The following ARHGEF17 variants were observed in gnomAD, a reference collection of about 807,000 sequenced individuals.
ARHGEF17 encodes 164 kDa Rho-specific guanine-nucleotide exchange factor.
In ARHGEF17, 80 loss-of-function variants were observed where a neutral mutation model predicts 174.0. That is an observed-to-expected ratio of 0.46 (90% CI 0.38 to 0.55). The LOEUF is 0.55. Ranked by LOEUF, ARHGEF17 falls within the 20% of genes least tolerant of loss-of-function variation. ARHGEF17 has a pLI of 0.00. For missense variants in ARHGEF17, 2,886 were observed against 2,839.7 expected (o/e 1.02, Z -0.37); for synonymous variants, 1,311 against 1,189.1 (o/e 1.10, Z -2.11).
chr11:73,339,549 G>A (rs1183646039), intron 1 of ARHGEF17, among the ~76,000 whole-genome samples: 1 of 152,206 alleles, frequency 6.6e-6, no homozygotes, highest in Non-Finnish European at 1.5e-5. Context: ...AGGACCAGGT[G>A]GCCCCCAGGT....
At chr11:73,329,627 T>G (rs1865172207) in intron 1 of ARHGEF17, among the ~76,000 whole-genome samples, 1 of 151,864 alleles carries the variant, frequency 6.6e-6, no homozygotes, top group African/African-American at 2.4e-5. Context: ...CTTGAACTCC[T>G]GACTTCAGGC....
chr11:73,363,544 G>A, intron 15 of ARHGEF17, 89 bp downstream of exon 15: 1 of 1,537,962 alleles, frequency 6.5e-7, no homozygotes, highest in Non-Finnish European at 8.8e-7. Flanking sequence ...GCCAAGGCAG[G>A]AGGGCTTTGG....
At chr11:73,314,964 C>T (rs530345445) in intron 1 of ARHGEF17, among the ~76,000 whole-genome samples, 2 of 152,334 alleles carry the variant, frequency 1.3e-5, no homozygotes, top group South Asian at 2.1e-4. Flanking sequence ...GATGAACTCA[C>T]GAAATTTTAA....
At chr11:73,328,426 G>A (rs769833349) in intron 1 of ARHGEF17, among the ~76,000 whole-genome samples, 3 of 152,188 alleles carry the variant, frequency 2.0e-5, no homozygotes, top group African/African-American at 7.2e-5. Flanking sequence ...GAGGGGCAGG[G>A]TTGCCAGAGT....
chr11:73,346,126 G>A (rs941916721), intron 1 of ARHGEF17, among the ~76,000 whole-genome samples: 3 of 152,116 alleles, frequency 2.0e-5, no homozygotes, highest in African/African-American at 7.2e-5. Context: ...CAGGTCATCA[G>A]ATCCATAGGT....
intron 2 of ARHGEF17, chr11:73,347,247 C>A (rs1565201871): frequency 1.9e-6 from 1 of 520,382 alleles, no homozygotes; most frequent in Non-Finnish European, 3.5e-6. Context: ...GAACTTAGAT[C>A]CGTGAACTCC....
chr11:73,310,947 C>T lies in ARHGEF17; in HGVS notation c.2309C>T (p.Pro770Leu). 1 of 1,614,134 alleles carries T rather than the reference C, an allele frequency of 6.2e-7. No homozygotes were observed. The highest frequency in any genetic ancestry group is 1.1e-5 in the South Asian group (1 of 91,080). ...LGSLSPKTGL[P>L]ATSAMDEGLT... ...TCACTGAGCCCCAAGACAGGGCTCC[C>T]TGCCACCTCAGCCATGGATGAGGGC... Residue 770 changes from proline to leucine, a missense_variant, in exon 1 of 21, where the codon CCT (proline) becomes CTT (leucine). By Grantham distance (98) the Pro-to-Leu change is moderately conservative. Around this residue, in one of 4 missense-constraint regions of ARHGEF17, gnomAD observed 1,728 missense variants for 1,461.2 expected, o/e 1.18. Coordinates refer to ENST00000263674, the MANE Select transcript of ARHGEF17 (RefSeq NM_014786.4).
In ARHGEF17 at chr11:73,310,210, C is replaced by T. The variant is rs1864791558; in HGVS notation, c.1572C>T (p.Ala524=). ...VGQLEPIPIP[A]PASPGTRPTL... ...AACTTGAACCCATACCCATCCCAGCCCCAGCATCACCTGGCACGCGCCCCA... is the reference window on the plus strand; with the variant it reads ...AACTTGAACCCATACCCATCCCAGCTCCAGCATCACCTGGCACGCGCCCCA... The change falls in exon 1 of 21, where the codon GCC becomes GCT. Residue 524 remains alanine, a synonymous_variant. Transcript: ENST00000263674. The T allele has an allele frequency of 5.0e-6, 8 of 1,614,008 alleles. No individual in the cohort carries two copies. The East Asian group carries it at 1.8e-4, about 36-fold the overall frequency.
rs528685988 is a variant in ARHGEF17 at position 73,312,743 on chromosome 11, GTTCCCC to G, written c.3192+914_3192+919del. On this transcript the variant is annotated intron_variant, in intron 1 of 20. Coordinates refer to ENST00000263674, the MANE Select transcript of ARHGEF17 (RefSeq NM_014786.4). ...CTATGGGTCTGGGGGGTCGGTTCTT[GTTCCCC>G]CATCCTGTCTGCTTGCATCTTTTCC... Among the ~76,000 whole-genome samples, 138 of 152,098 alleles carry G rather than the reference GTTCCCC, an allele frequency of 9.1e-4. 1 individual carries two copies. The highest frequency in any genetic ancestry group is 3.2e-3 in the African/African-American group (132 of 41,488).
chr11:73,329,331 AT>A (rs1565193538), intron 1 of ARHGEF17, among the ~76,000 whole-genome samples: 1 of 1,504 alleles, frequency 6.6e-4, no homozygotes, highest in Non-Finnish European at 1.2e-3. Flanking sequence ...TCATATATAT[AT>A]ATATATATAT....
At chr11:73,322,846 C>T (rs1865037834) in intron 1 of ARHGEF17, among the ~76,000 whole-genome samples, 1 of 152,068 alleles carries the variant, frequency 6.6e-6, no homozygotes, top group African/African-American at 2.4e-5. Flanking sequence ...AGGTGATGAT[C>T]TGACATGAGG....
chr11:73,354,693 G>A (rs1313668634), intron 3 of ARHGEF17, among the ~76,000 whole-genome samples: 1 of 150,806 alleles, frequency 6.6e-6, no homozygotes, highest in Non-Finnish European at 1.5e-5. Flanking sequence ...TCCAGCCTAG[G>A]TGACAGAGTG....
intron 1 of ARHGEF17, among the ~76,000 whole-genome samples, chr11:73,329,358 TA>T (rs1565193708): frequency 0.028 from 625 of 22,666 alleles, 154 homozygotes; most frequent in Non-Finnish European, 0.035. Context: ...TATATATATA[TA>T]TATATATATA....
intron 2 of ARHGEF17, among the ~76,000 whole-genome samples, chr11:73,348,893 G>A (rs1261181487): frequency 6.6e-6 from 1 of 152,184 alleles, no homozygotes; most frequent in African/African-American, 2.4e-5. Context: ...TGGGGTTGGG[G>A]TATTTAGCTG....
At chr11:73,332,878 A>G (rs1437853051) in intron 1 of ARHGEF17, among the ~76,000 whole-genome samples, 1 of 152,198 alleles carries the variant, frequency 6.6e-6, no homozygotes, top group Admixed American at 6.5e-5. Flanking sequence ...GCGCTTAGTA[A>G]GCAGCGCAGA....
At position 73,363,749 on chromosome 11, in the gene ARHGEF17, T is replaced by C; in HGVS notation, c.5249T>C (p.Val1750Ala). The change falls in exon 16 of 21, where the codon GTC (valine) becomes GCC (alanine). Residue 1750 changes from valine (V) to alanine (A), a missense_variant and splice_region_variant. Transcript: ENST00000263674. ...SVWLGTEDGC[V>A]HVYQSSDSIR... The stretch of plus-strand genomic sequence containing the variant: ...CAGGTGCATACCCCGATCCACAGTG[T>C]CCACGTGTACCAGTCCTCCGACAGC... 6.2e-7 allele frequency: 1 copy of C among 1,613,958 alleles called. No homozygotes were observed. The highest frequency in any genetic ancestry group is 2.2e-5 in the East Asian group (1 of 44,878).
intron 1 of ARHGEF17, among the ~76,000 whole-genome samples, chr11:73,344,291 G>T (rs554543260): frequency 6.6e-6 from 1 of 152,386 alleles, no homozygotes; most frequent in East Asian, 1.9e-4. Context: ...GTGGGCACGT[G>T]TAGAGGGCTG....
chr11:73,363,237 G>C lies in ARHGEF17; in HGVS notation c.5028G>C (p.Thr1676=). ...NEETPSSKEA[T]AETTSSEEEQ... ...AGACCCCGAGTTCCAAGGAGGCCAC[G>C]GCAGAGACCACCAGCTCAGAGGAGG... The change falls in exon 15 of 21, where the codon ACG becomes ACC. Residue 1676 remains threonine (T), a synonymous_variant. Coordinates refer to ENST00000263674, the MANE Select transcript of ARHGEF17 (RefSeq NM_014786.4). 6.3e-7 allele frequency: 1 copy of C among 1,593,846 alleles called. No homozygotes were observed.
chr11:73,355,688 A>C (rs1591756158), intron 4 of ARHGEF17, 39 bp downstream of exon 4: 1 of 1,596,472 alleles, frequency 6.3e-7, no homozygotes, highest in Non-Finnish European at 8.6e-7. Flanking sequence ...GGTGACCCTC[A>C]CCTTGGGCCA....
Sources: gnomAD v4.1 joint callset for allele counts (sites outside exome capture counted in the v4.1 genomes callset) on GRCh38, gnomAD v4.1.1 for gene constraint, gnomAD v4.1.1 regional missense constraint, MANE v1.5 for transcripts, NCBI Gene and HGNC (gene_info 2026-07-23, HGNC 2026-07-21) for gene names.